Variants in RPRD1B observed in about 807,000 individuals in gnomAD.
RPRD1B encodes regulation of nuclear pre-mRNA domain-containing protein 1B.
A neutral mutation model predicts 41.5 loss-of-function variants in RPRD1B; 11 were observed. The ratio of observed to expected loss-of-function variants is 0.27; its 90% CI spans 0.17 to 0.44. The LOEUF (loss-of-function observed/expected upper bound fraction) is 0.44. RPRD1B is among the 20% of genes least tolerant of loss of function. RPRD1B has a pLI of 1.00. For synonymous variants in RPRD1B, 158 were observed against 155.6 expected (o/e 1.02, Z -0.12); for missense variants, 248 against 389.9 (o/e 0.64, Z 3.06).
At chr20:38,071,380 T>A (rs768780283) in intron 6 of RPRD1B, among the ~76,000 whole-genome samples, 6 of 152,346 alleles carry the variant, frequency 3.9e-5, no homozygotes, top group Middle Eastern at 3.4e-3. Flanking sequence ...CAGTACTTCA[T>A]CTCTTTTATG....
intron 6 of RPRD1B, chr20:38,070,499 G>A (rs775841204): frequency 4.8e-5 from 47 of 985,424 alleles, no homozygotes; most frequent in Non-Finnish European, 5.5e-5. Context: ...AGCTTTGTTT[G>A]TGGTTGACAG....
intron 6 of RPRD1B, among the ~76,000 whole-genome samples, chr20:38,074,719 C>G (rs571107468): frequency 6.6e-6 from 1 of 152,310 alleles, no homozygotes; most frequent in East Asian, 1.9e-4. Context: ...AGAACATTCA[C>G]TCTGGTTCAA....
intron 2 of RPRD1B, among the ~76,000 whole-genome samples, chr20:38,046,546 G>C (rs1475239647): frequency 2.0e-5 from 3 of 152,200 alleles, no homozygotes; most frequent in Non-Finnish European, 2.9e-5. Context: ...CAGAAAAGTT[G>C]TATGGAGAAA....
Position 38,057,630 on chromosome 20 carries a change from G to T in RPRD1B, c.514G>T (p.Ala172Ser), listed in dbSNP as rs1215940348. The change falls in exon 4 of 7, where the codon GCA (alanine) becomes TCA (serine). Residue 172 changes from alanine (A) to serine (S), a missense_variant. By Grantham distance (99) the Ala-to-Ser change is moderately conservative. Transcript: ENST00000373433. ...PGSYSPQDPS[A>S]GPLLTEELIK... ...CAGCTACTCTCCTCAGGATCCTTCT[G>T]CAGGACCCCTCTTGGTAGGTCTTGA... 1 of 1,613,036 alleles carries T rather than the reference G, an allele frequency of 6.2e-7. No individual in the cohort carries two copies. The highest frequency in any genetic ancestry group is 1.7e-5 in the Admixed American group (1 of 60,030).
chr20:38,038,554 T>G (rs1308989413), intron 1 of RPRD1B, among the ~76,000 whole-genome samples: 1 of 143,182 alleles, frequency 7.0e-6, no homozygotes, highest in Non-Finnish European at 1.5e-5. Context: ...TGGAGTGCAG[T>G]GGTGTGATCT....
At chr20:38,049,348 CTTTTTTCTTTCT>C (rs1251360131) in intron 3 of RPRD1B, among the ~76,000 whole-genome samples, 1 of 138,008 alleles carries the variant, frequency 7.2e-6, no homozygotes, top group Non-Finnish European at 1.6e-5. Flanking sequence ...ATTATTTTTT[CTTTTTTCTTTCT>C]TTTTTTCTTT....
At chr20:38,057,483 A>G in intron 3 of RPRD1B, 49 bp from the exon 4 acceptor site, 1 of 1,332,436 alleles carries the variant, frequency 7.5e-7, no homozygotes, top group Non-Finnish European at 1.1e-6. Context: ...CATGTGACTT[A>G]TCACTACAGG....
intron 5 of RPRD1B, among the ~76,000 whole-genome samples, chr20:38,062,729 C>A (rs1483139427): frequency 6.6e-6 from 1 of 151,462 alleles, no homozygotes; most frequent in Non-Finnish European, 1.5e-5. Context: ...CTAGTCTCAA[C>A]ATAGTAACCA....
At chr20:38,082,910 C>T (rs558547413) in intron 6 of RPRD1B, among the ~76,000 whole-genome samples, 2 of 152,276 alleles carry the variant, frequency 1.3e-5, no homozygotes, top group East Asian at 3.9e-4. Context: ...CTAAAAACTA[C>T]AATAAACATT....
chr20:38,050,059 C>G (rs1279981401), intron 3 of RPRD1B, among the ~76,000 whole-genome samples: 1 of 152,206 alleles, frequency 6.6e-6, no homozygotes, highest in Non-Finnish European at 1.5e-5. Context: ...GACATCTTCC[C>G]TGGCTTGTCT....
At chr20:38,049,093 C>T (rs1274493842) in intron 3 of RPRD1B, among the ~76,000 whole-genome samples, 1 of 151,862 alleles carries the variant, frequency 6.6e-6, no homozygotes, top group African/African-American at 2.4e-5. Context: ...GAGATTCAGG[C>T]ACCTGCCACA....
chr20:38,067,200 C>T (rs990184820), intron 6 of RPRD1B, among the ~76,000 whole-genome samples: 6 of 152,140 alleles, frequency 3.9e-5, no homozygotes, highest in African/African-American at 1.4e-4. Flanking sequence ...GGTAGTTTAC[C>T]CTCAGTACTT....
chr20:38,041,575 C>G (rs1462330110), intron 2 of RPRD1B, among the ~76,000 whole-genome samples: 1 of 152,192 alleles, frequency 6.6e-6, no homozygotes, highest in Admixed American at 6.5e-5. Context: ...GAAAAAAATA[C>G]TGAATCTTCA....
At chr20:38,049,937 G>T in intron 3 of RPRD1B, 1 of 440,944 alleles carries the variant, frequency 2.3e-6, no homozygotes, top group South Asian at 1.7e-5. Context: ...TTTACCCTCT[G>T]GATGCTCTGT....
chr20:38,058,701 TATA>T (rs1025831113), intron 4 of RPRD1B, among the ~76,000 whole-genome samples: 4 of 152,108 alleles, frequency 2.6e-5, no homozygotes, highest in Non-Finnish European at 4.4e-5. Flanking sequence ...TCAGTCAACA[TATA>T]ATTTTTTCCT....
In RPRD1B at chr20:38,043,295, A is replaced by G. The variant is rs935516593; in HGVS notation, c.281+2731A>G. On this transcript the variant is annotated intron_variant, in intron 2 of 6. Transcript: ENST00000373433. ...AGAGATCATCTTGGCCTTCTAAGAGAAACAGAATGAAGGCTGGTGTGGTTA... is the reference window on the plus strand; with the variant it reads ...AGAGATCATCTTGGCCTTCTAAGAGGAACAGAATGAAGGCTGGTGTGGTTA... Among the ~76,000 whole-genome samples the G allele has an allele frequency of 6.6e-5, 10 of 152,292 alleles. No homozygotes were observed. In the East Asian group the frequency reaches 7.7e-4, roughly 12 times the overall value.
At chr20:38,038,553 G>A (rs2074030464) in intron 1 of RPRD1B, among the ~76,000 whole-genome samples, 3 of 136,596 alleles carry the variant, frequency 2.2e-5, no homozygotes. Context: ...CTGGAGTGCA[G>A]TGGTGTGATC....
At chr20:38,080,645 C>T (rs545092644) in intron 6 of RPRD1B, among the ~76,000 whole-genome samples, 1 of 152,328 alleles carries the variant, frequency 6.6e-6, no homozygotes, top group Non-Finnish European at 1.5e-5. Context: ...CCTGCCTCAG[C>T]CTTCCGGGTA....
chr20:38,055,141 TAAA>T (rs2074225891), intron 3 of RPRD1B, among the ~76,000 whole-genome samples: 1 of 152,224 alleles, frequency 6.6e-6, no homozygotes, highest in African/African-American at 2.4e-5. Context: ...GTCAAAGAAT[TAAA>T]AACTCATTGT....
Sources: allele counts gnomAD v4.1 joint callset (sites outside exome capture counted in the v4.1 genomes callset), GRCh38; gene constraint gnomAD v4.1.1; transcripts MANE v1.5; gene names NCBI Gene and HGNC (gene_info 2026-07-23, HGNC 2026-07-21).